KIAA1217: variants seen among roughly 807,000 people sequenced by gnomAD.
The protein encoded by KIAA1217 is KIAA1217.
Under a neutral mutation model 163.9 loss-of-function variants are expected in KIAA1217, and 88 were observed. That is an observed-to-expected ratio of 0.54 (90% confidence interval 0.45 to 0.64). The LOEUF is 0.64. Ranked by LOEUF, KIAA1217 falls within the 30% of genes least tolerant of loss-of-function variation. KIAA1217 has a pLI of 0.00. For synonymous variants in KIAA1217, 903 were observed against 923.1 expected (o/e 0.98, Z 0.39); for missense variants, 2,372 against 2,475.0 (o/e 0.96, Z 0.88).
chr10:23,790,569 A>G (rs867411308), intron 1 of KIAA1217, among the ~76,000 whole-genome samples: 3 of 117,690 alleles, frequency 2.5e-5, no homozygotes, highest in African/African-American at 1.4e-4. Context: ...ACATATGTAT[A>G]TATACATATG....
At chr10:24,228,703 G>A (rs1278841144) in intron 2 of KIAA1217, among the ~76,000 whole-genome samples, 1 of 152,018 alleles carries the variant, frequency 6.6e-6, no homozygotes, top group Non-Finnish European at 1.5e-5. Context: ...AGTACCCACT[G>A]GGATATTTGT....
At chr10:24,156,474 T>C (rs2131873221) in intron 2 of KIAA1217, among the ~76,000 whole-genome samples, 1 of 152,316 alleles carries the variant, frequency 6.6e-6, no homozygotes, top group South Asian at 2.1e-4. Context: ...GTATTAACCA[T>C]GTGTTTCTGA....
intron 1 of KIAA1217, among the ~76,000 whole-genome samples, chr10:23,935,162 A>G (rs545042027): frequency 6.6e-6 from 1 of 152,180 alleles, no homozygotes; most frequent in African/African-American, 2.4e-5. Flanking sequence ...TAAATAAATG[A>G]TTGAAAAGCC....
At chr10:24,332,443 A>G (rs2045805615) in intron 2 of KIAA1217, among the ~76,000 whole-genome samples, 1 of 152,120 alleles carries the variant, frequency 6.6e-6, no homozygotes, top group African/African-American at 2.4e-5. Flanking sequence ...AAAATTTGGG[A>G]TGGGTTGGGG....
At chr10:23,916,840 C>T (rs559863539) in intron 1 of KIAA1217, among the ~76,000 whole-genome samples, 11 of 151,952 alleles carry the variant, frequency 7.2e-5, no homozygotes, top group Non-Finnish European at 1.2e-4. Context: ...GATGTGGTGG[C>T]GTGTGCCTGT....
chr10:23,754,262 A>G (rs1172734402), intron 1 of KIAA1217, among the ~76,000 whole-genome samples: 5 of 152,226 alleles, frequency 3.3e-5, no homozygotes, highest in Non-Finnish European at 7.3e-5. Flanking sequence ...ATCATGTCAA[A>G]AAAGAGAGGA....
At chr10:24,281,531 G>A (rs2077924647) in intron 2 of KIAA1217, among the ~76,000 whole-genome samples, 1 of 152,170 alleles carries the variant, frequency 6.6e-6, no homozygotes, top group Non-Finnish European at 1.5e-5. Flanking sequence ...GATACAGTTA[G>A]ATTGCTTGGT....
chr10:23,718,947 T>C (rs946163878), intron 1 of KIAA1217, among the ~76,000 whole-genome samples: 2 of 151,636 alleles, frequency 1.3e-5, no homozygotes, highest in Non-Finnish European at 2.9e-5. Context: ...TATCATTCAG[T>C]TAGATAAAAT....
chr10:24,521,979 G>A lies in KIAA1217; in HGVS notation c.2456+50G>A, dbSNP rs928300461. ...GGGTGGCCTGCGGAGGGGTGCACTG[G>A]GAAACCGAGAGTGGACGTTTGGGAC... On this transcript the variant is annotated intron_variant, in intron 12 of 20. Coordinates refer to ENST00000376454, the MANE Select transcript of KIAA1217 (RefSeq NM_019590.5). 3 of 1,575,870 alleles carry A rather than the reference G, an allele frequency of 1.9e-6. No individual in the cohort carries two copies. In the African/African-American group the frequency reaches 4.0e-5, roughly 21 times the overall value.
At chr10:23,865,509 T>C (rs1840141169) in intron 1 of KIAA1217, among the ~76,000 whole-genome samples, 1 of 152,200 alleles carries the variant, frequency 6.6e-6, no homozygotes, top group African/African-American at 2.4e-5. Flanking sequence ...AAATACTATT[T>C]TCCTGTCTGT....
chr10:24,517,931 G>T (rs900327506), intron 10 of KIAA1217, among the ~76,000 whole-genome samples: 2 of 152,178 alleles, frequency 1.3e-5, no homozygotes, highest in Non-Finnish European at 2.9e-5. Context: ...GGAGACGGAG[G>T]TTGCAGTAAG....
intron 1 of KIAA1217, among the ~76,000 whole-genome samples, chr10:23,872,577 A>G (rs193152036): frequency 6.8e-4 from 103 of 152,172 alleles, no homozygotes; most frequent in Non-Finnish European, 1.3e-3. Flanking sequence ...GAAAACAATT[A>G]GCAAGTTAAT....
At chr10:24,181,956 T>C (rs1408566755) in intron 2 of KIAA1217, among the ~76,000 whole-genome samples, 5 of 152,062 alleles carry the variant, frequency 3.3e-5, no homozygotes, top group African/African-American at 1.2e-4. Context: ...ATATTTCCCA[T>C]GGAAAGGGGG....
At position 23,765,156 on chromosome 10, in the gene KIAA1217, AT is replaced by A. The variant is rs932083123; in HGVS notation, c.-321+69928del. 1.3e-4 allele frequency among the ~76,000 whole-genome samples: 16 copies of A among 124,084 alleles called. 1 individual carries two copies. Among genetic ancestry groups the A allele is most frequent in the African/African-American group, 4.9e-4 (16 of 32,424 alleles). 81.4% of individuals were successfully genotyped at this position (124,084 alleles called of 152,430 possible). On this transcript the variant is annotated intron_variant, in intron 1 of 18. Transcript: ENST00000376462. ...AGGACTCTTGTCTGTTGGTTAGAAA[AT>A]TTTTTCTTTTGTTTTCCCTTTTTTG...
At chr10:23,851,278 C>T (rs1839303992) in intron 1 of KIAA1217, among the ~76,000 whole-genome samples, 1 of 151,918 alleles carries the variant, frequency 6.6e-6, no homozygotes, top group African/African-American at 2.4e-5. Flanking sequence ...GTTTTTTGTC[C>T]TTGCGATAGT....
chr10:23,846,287 A>G (rs1319663555), intron 1 of KIAA1217, among the ~76,000 whole-genome samples: 1 of 152,178 alleles, frequency 6.6e-6, no homozygotes, highest in Non-Finnish European at 1.5e-5. Flanking sequence ...TGGTAGCTTG[A>G]TGGGGATAGC....
At chr10:23,890,773 G>C (rs2131214021) in intron 1 of KIAA1217, among the ~76,000 whole-genome samples, 1 of 152,092 alleles carries the variant, frequency 6.6e-6, no homozygotes, top group Non-Finnish European at 1.5e-5. Flanking sequence ...TTGGTGAATA[G>C]TCTTTTTCAG....
chr10:24,423,375 T>C (rs2131589682), intron 3 of KIAA1217, among the ~76,000 whole-genome samples: 1 of 151,278 alleles, frequency 6.6e-6, no homozygotes, highest in South Asian at 2.1e-4. Flanking sequence ...GCCACTGCCT[T>C]CTGAGTTCAA....
chr10:23,962,353 T>C (rs1183663541), intron 1 of KIAA1217, among the ~76,000 whole-genome samples: 1 of 152,218 alleles, frequency 6.6e-6, no homozygotes, highest in East Asian at 1.9e-4. Flanking sequence ...CTGAAAGTGC[T>C]TAATCACTAG....
Sources: allele counts gnomAD v4.1 joint callset (sites outside exome capture counted in the v4.1 genomes callset), GRCh38; gene constraint gnomAD v4.1.1; transcripts MANE v1.5; gene names NCBI Gene and HGNC (gene_info 2026-07-23, HGNC 2026-07-21).